Variants in CNNM1 observed in about 807,000 individuals in gnomAD.
CNNM1 encodes the protein cyclin and CBS domain divalent metal cation transport mediator 1, also known as metal transporter CNNM1.
Under a neutral mutation model 78.8 loss-of-function variants are expected in CNNM1, and 44 were observed. The ratio of observed to expected loss-of-function variants is 0.56; its 90% CI spans 0.44 to 0.72. CNNM1 has a LOEUF of 0.72. Among genes scored for constraint, CNNM1 ranks in the 30% least tolerant of loss-of-function variants. The pLI, the probability that CNNM1 is intolerant of heterozygous loss-of-function variation, is 0.00. For synonymous variants in CNNM1, 584 were observed against 581.5 expected, an observed-to-expected ratio of 1.00 and a Z score of -0.06; for missense variants, 1,101 against 1,292.2, an observed-to-expected ratio of 0.85 and a Z score of 2.27.
Position 99,329,535 on chromosome 10 carries a change from A to G in CNNM1, c.148A>G (p.Thr50Ala). Residue 50 changes from threonine to alanine, a missense_variant, in exon 1 of 11, where the codon ACT becomes GCT. By Grantham distance (58) the Thr-to-Ala change is moderately conservative (BLOSUM62 0). Around this residue, in one of 3 missense-constraint regions of CNNM1, gnomAD observed 476 missense variants for 484.5 expected, o/e 0.98. Coordinates refer to ENST00000356713, the MANE Select transcript of CNNM1 (RefSeq NM_020348.3). Reference sequence around the variant, plus strand: ...GCTGCTGGGCCTGCGGCCCGAGGACACTGCTGGAGGCCGCGTGTCCCTGGA... The same window carrying G: ...GCTGCTGGGCCTGCGGCCCGAGGACGCTGCTGGAGGCCGCGTGTCCCTGGA... ...AWLLGLRPEDTAGGRVSLEGG... is the reference protein window; with the variant it reads ...AWLLGLRPEDAAGGRVSLEGG... 1 of 1,512,412 alleles carries G rather than the reference A, an allele frequency of 6.6e-7. No homozygotes were observed. The highest frequency in any genetic ancestry group is 8.8e-7 in the Non-Finnish European group (1 of 1,139,428). The allele number at this position is 1,512,412 out of a possible 1,614,324, so 93.7% of individuals were successfully genotyped here. A position where few individuals can be genotyped will look rare whatever the true frequency, so the allele number is the denominator to read the frequency against.
intron 6 of CNNM1, among the ~76,000 whole-genome samples, chr10:99,370,076 T>C (rs2031750016): frequency 6.6e-6 from 1 of 152,144 alleles, no homozygotes; most frequent in South Asian, 2.1e-4. Context: ...TAAAGGAAGG[T>C]TAATTCTAGT....
At chr10:99,340,798 T>A (rs1371792343) in intron 1 of CNNM1, among the ~76,000 whole-genome samples, 1 of 151,110 alleles carries the variant, frequency 6.6e-6, no homozygotes, top group Non-Finnish European at 1.5e-5. Context: ...CTTTCTTTCT[T>A]ACTTTCTCTT....
intron 6 of CNNM1, among the ~76,000 whole-genome samples, chr10:99,373,191 A>G (rs1198018507): frequency 1.3e-5 from 2 of 152,184 alleles, no homozygotes; most frequent in Admixed American, 6.5e-5. Context: ...CCCTGAACAT[A>G]TCTTGAATTG....
At chr10:99,368,721 G>A in intron 6 of CNNM1, 1 of 1,276,108 alleles carries the variant, frequency 7.8e-7, no homozygotes, top group South Asian at 1.2e-5. Context: ...TAGATCCAGA[G>A]GGGTTTGCAA....
chr10:99,384,414 G>A (rs1162829969), intron 7 of CNNM1, among the ~76,000 whole-genome samples: 1 of 152,134 alleles, frequency 6.6e-6, no homozygotes, highest in Admixed American at 6.5e-5. Context: ...TCACATAGAG[G>A]ATTTAGCCAT....
Position 99,330,116 on chromosome 10 carries a change from C to A in CNNM1, c.729C>A (p.Arg243=). Residue 243 remains arginine (R), a synonymous_variant, in exon 1 of 11, where the codon CGC becomes CGA. Coordinates refer to ENST00000356713, the MANE Select transcript of CNNM1 (RefSeq NM_020348.3). ...LALSALFSGL[R]LSLLSLDPVE... is the part of the protein sequence containing the mutation. ...TGTCGGCCCTGTTCAGCGGCCTGCGCCTGAGCCTGCTGTCGCTGGACCCGG... is the reference window on the plus strand; with the variant it reads ...TGTCGGCCCTGTTCAGCGGCCTGCGACTGAGCCTGCTGTCGCTGGACCCGG... 1 of 1,549,912 alleles carries A rather than the reference C, an allele frequency of 6.5e-7. No homozygotes were observed. The highest frequency in any genetic ancestry group is 1.2e-5 in the South Asian group (1 of 85,272).
chr10:99,386,718 C>T (rs75036404), intron 7 of CNNM1, among the ~76,000 whole-genome samples: 3,079 of 152,210 alleles, frequency 0.02, 97 homozygotes, highest in African/African-American at 0.069. Context: ...GAGACCTTGC[C>T]GGATACAAAG....
intron 1 of CNNM1, among the ~76,000 whole-genome samples, chr10:99,349,310 G>A (rs1421058363): frequency 6.6e-6 from 1 of 152,124 alleles, no homozygotes; most frequent in Non-Finnish European, 1.5e-5. Context: ...ATTTCTGTGG[G>A]TGGGACACAG....
At chr10:99,377,294 C>T in intron 7 of CNNM1, 76 bp downstream of exon 7, 1 of 1,402,464 alleles carries the variant, frequency 7.1e-7, no homozygotes, top group Non-Finnish European at 9.9e-7. Flanking sequence ...AGAAGACTAC[C>T]CCCATTCCTA....
chr10:99,364,824 T>C, intron 5 of CNNM1, 131 bp from the exon 6 acceptor site: 1 of 827,812 alleles, frequency 1.2e-6, no homozygotes, highest in Non-Finnish European at 1.9e-6. Context: ...ACTTGTTCCC[T>C]ACCCTTCCAT....
At chr10:99,386,619 G>A (rs555458265) in intron 7 of CNNM1, among the ~76,000 whole-genome samples, 1 of 152,158 alleles carries the variant, frequency 6.6e-6, no homozygotes, top group Non-Finnish European at 1.5e-5. Context: ...TGGTTCTCTT[G>A]CAAAATATCC....
At chr10:99,346,809 A>G (rs1317717979) in intron 1 of CNNM1, among the ~76,000 whole-genome samples, 1 of 151,820 alleles carries the variant, frequency 6.6e-6, no homozygotes, top group African/African-American at 2.4e-5. Flanking sequence ...GGCTTTCACT[A>G]TGTTGTCTAG....
At chr10:99,360,151 C>A (rs1417860375) in intron 2 of CNNM1, among the ~76,000 whole-genome samples, 1 of 152,232 alleles carries the variant, frequency 6.6e-6, no homozygotes, top group East Asian at 1.9e-4. Flanking sequence ...CTTCTCCTCT[C>A]TTCTTCCCTA....
At chr10:99,356,562 C>CAGAAAGAAAGAAAGAAAGAAAAGAAA (rs2031187219) in intron 1 of CNNM1, among the ~76,000 whole-genome samples, 52 of 98,532 alleles carry the variant, frequency 5.3e-4, no homozygotes, top group African/African-American at 5.2e-4. Flanking sequence ...GACAGACAGA[C>CAGAAAGAAAGAAAGAAAGAAAAGAAA]AGAAAGAAAG....
At chr10:99,367,028 T>C (rs1248041267) in intron 6 of CNNM1, among the ~76,000 whole-genome samples, 3 of 152,166 alleles carry the variant, frequency 2.0e-5, no homozygotes, top group African/African-American at 2.4e-5. Context: ...TATTAGCCAA[T>C]GGGGTAAAAA....
intron 6 of CNNM1, among the ~76,000 whole-genome samples, chr10:99,366,311 G>A (rs2031617015): frequency 1.3e-5 from 2 of 152,104 alleles, no homozygotes; most frequent in African/African-American, 2.4e-5. Context: ...TTCTCTAAAG[G>A]AAATCTCCAT....
intron 4 of CNNM1, 40 bp from the exon 5 acceptor site, chr10:99,364,377 C>T (rs765044553): frequency 4.2e-5 from 61 of 1,467,538 alleles, no homozygotes; most frequent in Non-Finnish European, 5.0e-5. Context: ...TGGAAGTGCT[C>T]ATACACATTC....
At chr10:99,331,009 A>G (rs2029891044) in intron 1 of CNNM1, 49 bp downstream of exon 1, 3 of 1,532,138 alleles carry the variant, frequency 2.0e-6, no homozygotes, top group Non-Finnish European at 2.6e-6. Context: ...CTTCAAAGGT[A>G]TTATCCTTTC....
intron 1 of CNNM1, among the ~76,000 whole-genome samples, chr10:99,349,242 C>G (rs1042068621): frequency 2.0e-5 from 3 of 152,116 alleles, no homozygotes; most frequent in African/African-American, 7.2e-5. Context: ...TTAGAATCAC[C>G]TGAAGAAGTT....
Sources: gnomAD v4.1 joint callset for allele counts (sites outside exome capture counted in the v4.1 genomes callset) on GRCh38, gnomAD v4.1.1 for gene constraint, gnomAD v4.1.1 regional missense constraint, MANE v1.5 for transcripts, NCBI Gene and HGNC (gene_info 2026-07-23, HGNC 2026-07-21) for gene names.